Variants in TEK observed in about 807,000 individuals in gnomAD.
The protein encoded by TEK is TEK receptor tyrosine kinase, also known as angiopoietin-1 receptor.
Under a neutral mutation model 131.8 loss-of-function variants are expected in TEK, and 43 were observed. That is an observed-to-expected ratio of 0.33 (90% confidence interval 0.26 to 0.42). The LOEUF (loss-of-function observed/expected upper bound fraction) is 0.42, where lower values mean the gene tolerates loss of function less well. Among genes scored for constraint, TEK ranks in the 10% least tolerant of loss-of-function variants. The pLI is 1.00. For missense variants in TEK, 1,162 were observed against 1,384.4 expected (o/e 0.84, Z 2.55); for synonymous variants, 580 against 491.6 (o/e 1.18, Z -2.38).
chr9:27,200,830 G>C (rs1825189700), intron 12 of TEK, among the ~76,000 whole-genome samples: 2 of 152,108 alleles, frequency 1.3e-5, no homozygotes, highest in African/African-American at 4.8e-5. Flanking sequence ...ACTTTTTGAG[G>C]AAAGTAGAGT....
In TEK at chr9:27,193,040, T is replaced by C. The variant is rs183013913; in HGVS notation, c.1624+417T>C. Among the ~76,000 whole-genome samples, 295 of 152,286 alleles carry C rather than the reference T, an allele frequency of 1.9e-3. 2 individuals carry two copies. Among genetic ancestry groups the C allele is most frequent in the African/African-American group, 6.9e-3 (287 of 41,550 alleles). ...TCTTGCCACAGGCATATTTTAGAAG[T>C]CCCAGTTTATTTATTTTCAAAAATA... On this transcript the variant is annotated intron_variant, in intron 11 of 22. Transcript: ENST00000380036.
chr9:27,176,835 A>T (rs1824188483), intron 6 of TEK, among the ~76,000 whole-genome samples: 1 of 152,146 alleles, frequency 6.6e-6, no homozygotes, highest in Non-Finnish European at 1.5e-5. Context: ...TTTGACCAAC[A>T]TCTCCCCATT....
At chr9:27,155,895 C>T (rs1033131875) in intron 1 of TEK, among the ~76,000 whole-genome samples, 6 of 151,698 alleles carry the variant, frequency 4.0e-5, no homozygotes, top group African/African-American at 7.3e-5. Flanking sequence ...CTCTGCCTCC[C>T]GGGCTCAAAT....
chr9:27,137,614 A>G (rs915943930), intron 1 of TEK, among the ~76,000 whole-genome samples: 18 of 152,094 alleles, frequency 1.2e-4, no homozygotes, highest in African/African-American at 3.4e-4. Context: ...AAATCATTTT[A>G]TATATATTTT....
chr9:27,228,404 G>T (rs1307748584), intron 22 of TEK, 99 bp downstream of exon 22: 10 of 934,098 alleles, frequency 1.1e-5, no homozygotes, highest in African/African-American at 1.6e-5. Context: ...AGTTCTTCTT[G>T]GCATGGCCCT....
rs140165143 is a variant in TEK, at chr9:27,205,673, A to G, written c.2364+608A>G. ...GAATTCTAACCAGTAGCAAAGGCCTATAAAAATCACACTTTACCAAGAGGC... is the reference window on the plus strand; with the variant it reads ...GAATTCTAACCAGTAGCAAAGGCCTGTAAAAATCACACTTTACCAAGAGGC... On this transcript the variant is annotated intron_variant, in intron 14 of 22. Coordinates refer to ENST00000380036, the MANE Select transcript of TEK (RefSeq NM_000459.5). Among the ~76,000 whole-genome samples the G allele has an allele frequency of 4.4e-3, 667 of 152,232 alleles. 6 individuals carry two copies. Among genetic ancestry groups the G allele is most frequent in the African/African-American group, 0.015 (624 of 41,544 alleles).
chr9:27,112,908 G>C (rs1201245834), intron 1 of TEK, among the ~76,000 whole-genome samples: 1 of 152,214 alleles, frequency 6.6e-6, no homozygotes, highest in African/African-American at 2.4e-5. Context: ...ATGACACCTA[G>C]GTTTTGGGGA....
intron 9 of TEK, among the ~76,000 whole-genome samples, chr9:27,188,236 T>C (rs929477080): frequency 1.3e-5 from 2 of 152,196 alleles, no homozygotes; most frequent in Admixed American, 1.3e-4. Flanking sequence ...AGGTGCCTTC[T>C]GGAGGGCTGG....
At chr9:27,228,475 T>TG (rs1172027087) in intron 22 of TEK, among the ~76,000 whole-genome samples, 170 bp downstream of exon 22, 1 of 152,106 alleles carries the variant, frequency 6.6e-6, no homozygotes, top group Admixed American at 6.6e-5. Flanking sequence ...GTTACAATTT[T>TG]GGGGGGAAAT....
chr9:27,167,418 G>C (rs1461511831), intron 2 of TEK, among the ~76,000 whole-genome samples: 1 of 151,998 alleles, frequency 6.6e-6, no homozygotes, highest in Non-Finnish European at 1.5e-5. Context: ...AGTAGAGATG[G>C]GGTTTTGCCA....
At chr9:27,189,294 T>C (rs1386390784) in intron 9 of TEK, among the ~76,000 whole-genome samples, 4 of 152,128 alleles carry the variant, frequency 2.6e-5, no homozygotes, top group Admixed American at 1.3e-4. Flanking sequence ...TTCACAACCT[T>C]TTTATTATCA....
Position 27,179,683 on chromosome 9 carries a change from G to T in TEK, c.902-557G>T, listed in dbSNP as rs77010446. Reference sequence around the variant, plus strand: ...TAGTTCTTTTATCTTTAGCTGGGCTGCTTTGAGTCTATACTGAGCATGCAT... The same window carrying T: ...TAGTTCTTTTATCTTTAGCTGGGCTTCTTTGAGTCTATACTGAGCATGCAT... On this transcript the variant is annotated intron_variant, in intron 6 of 22. Transcript: ENST00000380036. Among the ~76,000 whole-genome samples, 863 of 152,270 alleles carry T rather than the reference G, an allele frequency of 5.7e-3. 5 individuals are homozygous for T. Among genetic ancestry groups the T allele is most frequent in the African/African-American group, 0.02 (823 of 41,554 alleles).
chr9:27,193,199 C>T (rs560751390), intron 11 of TEK, among the ~76,000 whole-genome samples: 42 of 152,308 alleles, frequency 2.8e-4, no homozygotes, highest in African/African-American at 1.0e-3. Flanking sequence ...TAGCCACTTT[C>T]ATCTCCTTAA....
chr9:27,223,276 C>T lies in TEK; in HGVS notation c.3200+3131C>T, dbSNP rs142351991. Among the ~76,000 whole-genome samples the T allele has an allele frequency of 7.9e-3, 1,126 of 142,148 alleles. 5 individuals carry two copies. Among genetic ancestry groups the T allele is most frequent in the African/African-American group, 0.013 (504 of 39,842 alleles). 93.3% of individuals were successfully genotyped at this position (142,148 alleles called of 152,430 possible). A position where few individuals can be genotyped will look rare whatever the true frequency, so the allele number is the denominator to read the frequency against. On this transcript the variant is annotated intron_variant, in intron 21 of 22. Coordinates refer to ENST00000380036, the MANE Select transcript of TEK (RefSeq NM_000459.5). ...GAATTCAGCTCTGGACCAAGTAGAC[C>T]TAATAGACATCTACAGAACTCTCCA...
intron 1 of TEK, among the ~76,000 whole-genome samples, chr9:27,137,291 A>C (rs914033114): frequency 6.6e-6 from 1 of 152,184 alleles, no homozygotes; most frequent in Non-Finnish European, 1.5e-5. Context: ...TGCTATTACA[A>C]TTGTGATTTA....
chr9:27,119,651 C>T (rs1318043812), intron 1 of TEK, among the ~76,000 whole-genome samples: 4 of 152,064 alleles, frequency 2.6e-5, no homozygotes, highest in East Asian at 1.9e-4. Flanking sequence ...TGTTGCTCAA[C>T]GAGCTGGCAA....
chr9:27,220,104 G>C lies in TEK; in HGVS notation c.3159G>C (p.Gln1053His), dbSNP rs201502264. The C allele has an allele frequency of 9.9e-6, 16 of 1,614,036 alleles. No homozygotes were observed. The highest frequency in any genetic ancestry group is 8.0e-5 in the African/African-American group (6 of 75,018). ...CAGAACTCTACGAGAAGCTGCCCCA[G>C]GGCTACAGACTGGAGAAGCCCCTGA... ...TCAELYEKLP[Q>H]GYRLEKPLNC... Residue 1053 changes from glutamine to histidine, a missense_variant, in exon 21 of 23, where the codon CAG (glutamine) becomes CAC (histidine). Gln to His is a conservative substitution (Grantham distance 24, BLOSUM62 0). Transcript: ENST00000380036.
chr9:27,228,151 G>A (rs767044460), intron 21 of TEK, 55 bp from the exon 22 acceptor site: 2 of 1,442,840 alleles, frequency 1.4e-6, no homozygotes, highest in South Asian at 1.1e-5. Flanking sequence ...TTCCTGCCGT[G>A]CCTAGGACTG....
chr9:27,195,487 T>C (rs1226524169), intron 11 of TEK, among the ~76,000 whole-genome samples: 2 of 152,198 alleles, frequency 1.3e-5, no homozygotes. Context: ...TAAACAATTG[T>C]AGTAATCTGA....
Sources: gnomAD v4.1 joint callset for allele counts (sites outside exome capture counted in the v4.1 genomes callset) on GRCh38, gnomAD v4.1.1 for gene constraint, MANE v1.5 for transcripts, NCBI Gene and HGNC (gene_info 2026-07-23, HGNC 2026-07-21) for gene names.